TG: variants seen among roughly 807,000 people sequenced by gnomAD.
TG encodes the protein thyroid hormones.
Under a neutral mutation model 324.7 loss-of-function variants are expected in TG, and 270 were observed. The observed-to-expected ratio is 0.83, with a 90% CI of 0.75 to 0.92. The LOEUF is 0.92. Ranked by LOEUF, TG falls within the 40% of genes least tolerant of loss-of-function variation. The pLI is 0.00. For missense variants in TG, 3,591 were observed against 3,456.4 expected, an observed-to-expected ratio of 1.04 and a Z score of -0.98; for synonymous variants, 1,401 against 1,327.0, an observed-to-expected ratio of 1.06 and a Z score of -1.21.
chr8:133,039,955 A>G (rs746330600), intron 41 of TG: 16 of 915,516 alleles, frequency 1.7e-5, no homozygotes, highest in Non-Finnish European at 2.3e-5. Flanking sequence ...ACTTGCATGC[A>G]CACACACACA....
intron 35 of TG, among the ~76,000 whole-genome samples, chr8:133,000,121 G>A (rs1833309950): frequency 1.3e-5 from 2 of 152,212 alleles, no homozygotes; most frequent in African/African-American, 4.8e-5. Context: ...GGCTCTGGAG[G>A]TTGATGTATG....
At chr8:132,984,820 T>C (rs1011035965) in intron 35 of TG, among the ~76,000 whole-genome samples, 1 of 151,782 alleles carries the variant, frequency 6.6e-6, no homozygotes, top group African/African-American at 2.4e-5. Flanking sequence ...CGTACACCTG[T>C]AGTCCCAGCT....
At chr8:132,901,212 TG>T in intron 15 of TG, 140 bp from the exon 16 acceptor site, 1 of 888,956 alleles carries the variant, frequency 1.1e-6, no homozygotes, top group Non-Finnish European at 1.8e-6. Flanking sequence ...AACCTCCTGG[TG>T]GGGAGGCAGC....
At chr8:133,001,706 G>A (rs1833521665) in intron 35 of TG, 1 of 981,980 alleles carries the variant, frequency 1.0e-6, no homozygotes, top group South Asian at 4.7e-5. Flanking sequence ...CTTCCTTCCA[G>A]CAAGTGCCCT....
chr8:133,116,531 TG>T, intron 44 of TG, 77 bp from the exon 45 acceptor site: 1 of 1,401,596 alleles, frequency 7.1e-7, no homozygotes, highest in Non-Finnish European at 1.0e-6. Context: ...GGCCCCTTGC[TG>T]GGAGAAGCCC....
chr8:133,132,004 C>G, intron 46 of TG, 58 bp downstream of exon 46: 1 of 1,611,642 alleles, frequency 6.2e-7, no homozygotes, highest in Non-Finnish European at 8.5e-7. Flanking sequence ...CCGCTTCCTT[C>G]AAGCAGAACG....
intron 28 of TG, among the ~76,000 whole-genome samples, chr8:132,962,012 G>T (rs765302320): frequency 1.3e-5 from 2 of 152,110 alleles, no homozygotes; most frequent in Non-Finnish European, 2.9e-5. Flanking sequence ...CGATACAGAC[G>T]CCACTGGCCT....
chr8:132,924,507 T>A (rs1469472933), intron 22 of TG, among the ~76,000 whole-genome samples: 1 of 152,154 alleles, frequency 6.6e-6, no homozygotes, highest in South Asian at 2.1e-4. Flanking sequence ...TTCCTGAGAA[T>A]CAACATGAAC....
chr8:132,900,664 C>T (rs961249390), intron 15 of TG, among the ~76,000 whole-genome samples: 8 of 152,188 alleles, frequency 5.3e-5, no homozygotes, highest in African/African-American at 1.4e-4. Context: ...GTCTGGTTTC[C>T]GCAGTGAAGC....
chr8:132,912,927 C>A, intron 19 of TG, 120 bp from the exon 20 acceptor site: 1 of 955,090 alleles, frequency 1.0e-6, no homozygotes. Flanking sequence ...AATGAGACAC[C>A]ACATGATGCC....
At chr8:133,014,187 T>C (rs548145334) in intron 37 of TG, among the ~76,000 whole-genome samples, 1 of 152,348 alleles carries the variant, frequency 6.6e-6, no homozygotes, top group African/African-American at 2.4e-5. Context: ...ACACAGCTAA[T>C]GATGATGGAG....
chr8:132,985,492 C>T (rs1328180310), intron 35 of TG, among the ~76,000 whole-genome samples: 1 of 152,128 alleles, frequency 6.6e-6, no homozygotes, highest in African/African-American at 2.4e-5. Context: ...TTTATCACTA[C>T]CCTTTTACAA....
chr8:132,967,870 C>T lies in TG; in HGVS notation c.5763C>T (p.Leu1921=). The part of the protein sequence containing the change: ...ESASLYFTCT[L]YPEAQVCDDI... The stretch of plus-strand genomic sequence containing the variant: ...CATCCTTGTACTTCACCTGCACCCT[C>T]TACCCAGAGGCACAGGTGTGTGATG... The change falls in exon 31 of 48, where the codon CTC becomes CTT. Residue 1921 remains leucine (L), a synonymous_variant. Coordinates refer to ENST00000220616, the MANE Select transcript of TG (RefSeq NM_003235.5). The T allele has an allele frequency of 1.2e-6, 2 of 1,614,050 alleles. No individual in the cohort carries two copies. Among genetic ancestry groups the T allele is most frequent in the East Asian group, 4.5e-5 (2 of 44,860 alleles).
intron 38 of TG, 65 bp downstream of exon 38, chr8:133,018,062 C>CA: frequency 6.7e-7 from 1 of 1,493,890 alleles, no homozygotes; most frequent in Non-Finnish European, 9.2e-7. Flanking sequence ...CTAATCTATC[C>CA]AAATGGGACT....
At position 133,040,031 on chromosome 8, in the gene TG, C is replaced by T. The variant is rs868815360; in HGVS notation, c.7239+10008C>T. 61 of 1,551,978 alleles carry T rather than the reference C, an allele frequency of 3.9e-5. 1 individual carries two copies. In the Middle Eastern group the frequency reaches 3.0e-3, roughly 76 times the overall value. On this transcript the variant is annotated intron_variant, in intron 41 of 47. Coordinates refer to ENST00000220616, the MANE Select transcript of TG (RefSeq NM_003235.5). ...TCTCCTCCAGTCCACAGTCTTCTGA[C>T]GCAAGGTGACAGGTGAGCTGGAGGC...
At position 132,903,171 on chromosome 8, in the gene TG, G is replaced by A. The variant is rs528285988; in HGVS notation, c.3634+1618G>A. The stretch of plus-strand genomic sequence containing the variant: ...CCTTATTGAATGAAGAAAGAAAAAA[G>A]ATAAATATGTCCAAAGGAAGAACTT... On this transcript the variant is annotated intron_variant, in intron 16 of 47. Coordinates refer to ENST00000220616, the MANE Select transcript of TG (RefSeq NM_003235.5). 1.5e-4 allele frequency among the ~76,000 whole-genome samples: 23 copies of A among 152,290 alleles called. No homozygotes were observed. The South Asian group carries it at 3.7e-3, about 25-fold the overall frequency.
chr8:132,962,763 G>A (rs1394168120), intron 28 of TG, among the ~76,000 whole-genome samples: 9 of 152,106 alleles, frequency 5.9e-5, no homozygotes, highest in African/African-American at 9.7e-5. Context: ...AGGGCTTTGC[G>A]TATGTTAATA....
intron 43 of TG, chr8:133,102,667 T>G (rs1032488863): frequency 4.6e-6 from 5 of 1,092,320 alleles, no homozygotes; most frequent in Non-Finnish European, 5.5e-6. Flanking sequence ...GGGGAATTTC[T>G]CCCCCTTTTC....
chr8:132,952,369 A>T (rs1346904867), intron 27 of TG, among the ~76,000 whole-genome samples: 1 of 152,106 alleles, frequency 6.6e-6, no homozygotes, highest in African/African-American at 2.4e-5. Flanking sequence ...AAGACATTTG[A>T]CCACCTTCAG....
Sources: gnomAD v4.1 joint callset for allele counts (sites outside exome capture counted in the v4.1 genomes callset) on GRCh38, gnomAD v4.1.1 for gene constraint, MANE v1.5 for transcripts, NCBI Gene and HGNC (gene_info 2026-07-23, HGNC 2026-07-21) for gene names.